MTCH2: variants seen among roughly 807,000 people sequenced by gnomAD.
MTCH2 encodes mitochondrial carrier homolog 2.
MTCH2 carries 25 observed loss-of-function variants against 50.6 expected under a neutral mutation model. That is an observed-to-expected ratio of 0.49 (90% CI 0.36 to 0.69). The LOEUF (loss-of-function observed/expected upper bound fraction) is 0.69. Among genes scored for constraint, MTCH2 ranks in the 30% least tolerant of loss-of-function variants. MTCH2 has a pLI of 0.00. For missense variants in MTCH2, 273 were observed against 384.4 expected, an observed-to-expected ratio of 0.71 and a Z score of 2.42; for synonymous variants, 106 against 132.0, an observed-to-expected ratio of 0.80 and a Z score of 1.35.
intron 5 of MTCH2, 81 bp downstream of exon 5, chr11:47,634,591 A>C: frequency 9.4e-7 from 1 of 1,067,818 alleles, no homozygotes. Context: ...CTGAACACAC[A>C]GGCCTGATGA....
the MTCH2 span, among the ~76,000 whole-genome samples, chr11:47,606,386 C>A: frequency 6.6e-6 from 1 of 152,194 alleles, no homozygotes; most frequent in Non-Finnish European, 1.5e-5. Flanking sequence ...CCAGCAATAT[C>A]TTTTATTGTC....
intron 11 of MTCH2, among the ~76,000 whole-genome samples, chr11:47,623,353 CAG>C (rs2097295034): frequency 8.8e-6 from 1 of 113,222 alleles, no homozygotes; most frequent in Admixed American, 1.2e-4. Flanking sequence ...GCCTGGGTGA[CAG>C]AGTAAGAACC....
chr11:47,636,415 C>A (rs927568400), intron 3 of MTCH2, among the ~76,000 whole-genome samples: 1 of 151,286 alleles, frequency 6.6e-6, no homozygotes, highest in African/African-American at 2.4e-5. Flanking sequence ...GCCTGGGCAA[C>A]AGAGCAAGAC....
intron 12 of MTCH2, among the ~76,000 whole-genome samples, chr11:47,620,025 C>G (rs2097291802): frequency 1.3e-5 from 2 of 151,994 alleles, no homozygotes; most frequent in African/African-American, 4.8e-5. Context: ...TGCAGTGAGC[C>G]AAGATCGTGC....
At chr11:47,611,132 G>GT in the MTCH2 span, among the ~76,000 whole-genome samples, 1 of 152,250 alleles carries the variant, frequency 6.6e-6, no homozygotes, top group Non-Finnish European at 1.5e-5. Flanking sequence ...TCAGTGGACA[G>GT]TAAGCGCCAA....
chr11:47,617,266 T>C (rs1354094781), downstream of MTCH2: 11 of 152,088 alleles, frequency 7.2e-5, no homozygotes, highest in Admixed American at 7.2e-4. Context: ...GCTTCTCAAC[T>C]AGGAATAGGC....
chr11:47,614,629 C>T (rs1055733394), downstream of MTCH2, among the ~76,000 whole-genome samples: 7 of 151,970 alleles, frequency 4.6e-5, no homozygotes, highest in Admixed American at 1.3e-4. Context: ...TTGCCCAGGC[C>T]GGAGTACGTT....
chr11:47,626,480 ATAT>A (rs1471759783), intron 10 of MTCH2, among the ~76,000 whole-genome samples: 1 of 151,764 alleles, frequency 6.6e-6, no homozygotes, highest in Non-Finnish European at 1.5e-5. Flanking sequence ...GGCCTGAACA[ATAT>A]TATTTCGGAG....
intron 5 of MTCH2, among the ~76,000 whole-genome samples, chr11:47,633,116 T>TTA (rs1268871879): frequency 2.5e-4 from 37 of 146,792 alleles, no homozygotes; most frequent in Middle Eastern, 3.5e-3. Context: ...TATCCCTGCT[T>TTA]TTTTTTTTTT....
chr11:47,610,426 TGG>T, the MTCH2 span, among the ~76,000 whole-genome samples: 1 of 152,050 alleles, frequency 6.6e-6, no homozygotes, highest in Non-Finnish European at 1.5e-5. Context: ...TACTCTAGGG[TGG>T]GCATGGTGGC....
intron 12 of MTCH2, among the ~76,000 whole-genome samples, chr11:47,622,441 A>ATTGGGGG (rs2097294163): frequency 6.6e-6 from 1 of 152,176 alleles, no homozygotes; most frequent in South Asian, 2.1e-4. Flanking sequence ...GAATGTGGGC[A>ATTGGGGG]CTCAAATGGC....
At chr11:47,639,786 C>T (rs1034570885) in intron 1 of MTCH2, among the ~76,000 whole-genome samples, 2 of 151,974 alleles carry the variant, frequency 1.3e-5, no homozygotes, top group Admixed American at 1.3e-4. Context: ...TGCAGTGAGC[C>T]GAGATTGTGT....
downstream of MTCH2, among the ~76,000 whole-genome samples, chr11:47,616,743 C>T (rs1183607936): frequency 9.4e-5 from 14 of 149,456 alleles, no homozygotes; most frequent in Admixed American, 8.7e-4. Context: ...AGTGCAATGG[C>T]GTGATCTCAG....
intron 5 of MTCH2, among the ~76,000 whole-genome samples, chr11:47,632,357 ATTTT>A (rs34382888): frequency 1.4e-5 from 2 of 138,610 alleles, no homozygotes; most frequent in South Asian, 2.3e-4. Context: ...TGGCTTTTGC[ATTTT>A]TTTTTTTTTT....
At chr11:47,630,059 C>T (rs1272462390) in intron 8 of MTCH2, among the ~76,000 whole-genome samples, 1 of 152,156 alleles carries the variant, frequency 6.6e-6, no homozygotes, top group Non-Finnish European at 1.5e-5. Flanking sequence ...GACGGAGTCT[C>T]ACTCTGTCAC....
downstream of MTCH2, chr11:47,617,272 T>C (rs1264941697): frequency 6.6e-6 from 1 of 152,122 alleles, no homozygotes; most frequent in East Asian, 1.9e-4. Context: ...CAACTAGGAA[T>C]AGGCAAGCAT....
chr11:47,633,023 C>T (rs183600591), intron 5 of MTCH2, among the ~76,000 whole-genome samples: 2 of 150,696 alleles, frequency 1.3e-5, no homozygotes, highest in Non-Finnish European at 3.0e-5. Flanking sequence ...TTAAGACAGC[C>T]CTCACCCCTT....
chr11:47,626,615 T>G (rs1451346807), intron 10 of MTCH2, among the ~76,000 whole-genome samples: 1 of 152,094 alleles, frequency 6.6e-6, no homozygotes, highest in Non-Finnish European at 1.5e-5. Context: ...AACTGAGTTA[T>G]TCTCTCTTTT....
chr11:47,621,994 T>C (rs947331197), intron 12 of MTCH2, among the ~76,000 whole-genome samples: 5 of 152,094 alleles, frequency 3.3e-5, no homozygotes, highest in Non-Finnish European at 7.4e-5. Flanking sequence ...CTTAGCCTCC[T>C]GGGTAGCTGG....
Sources: gnomAD v4.1 joint callset for allele counts (sites outside exome capture counted in the v4.1 genomes callset) on GRCh38, gnomAD v4.1.1 for gene constraint, MANE v1.5 for transcripts, NCBI Gene and HGNC (gene_info 2026-07-23, HGNC 2026-07-21) for gene names.